TACC2: variants seen among roughly 807,000 people sequenced by gnomAD.
TACC2 encodes transforming acidic coiled-coil containing protein 2.
Under a neutral mutation model 227.3 loss-of-function variants are expected in TACC2, and 137 were observed. The ratio of observed to expected loss-of-function variants is 0.60; its 90% confidence interval spans 0.52 to 0.69. TACC2 has a LOEUF of 0.69. Among genes scored for constraint, TACC2 ranks in the 30% least tolerant of loss-of-function variants. The pLI is 0.00. For synonymous variants in TACC2, 1,523 were observed against 1,487.5 expected, an observed-to-expected ratio of 1.02 and a Z score of -0.55; for missense variants, 3,470 against 3,694.4, an observed-to-expected ratio of 0.94 and a Z score of 1.57.
intron 5 of TACC2, among the ~76,000 whole-genome samples, chr10:122,121,459 C>T (rs1019455878): frequency 1.3e-5 from 2 of 152,154 alleles, no homozygotes; most frequent in African/African-American, 4.8e-5. Context: ...CAGGCTTGGG[C>T]AGTCTGGCCC....
At chr10:122,164,045 C>T (rs934613366) in intron 7 of TACC2, 6 of 1,548,166 alleles carry the variant, frequency 3.9e-6, no homozygotes, top group Non-Finnish European at 5.2e-6. Context: ...GGAGAGGATG[C>T]CCGGGCTTTG....
At chr10:122,107,904 T>TC (rs1266978304) in intron 5 of TACC2, among the ~76,000 whole-genome samples, 4 of 143,278 alleles carry the variant, frequency 2.8e-5, no homozygotes, top group South Asian at 2.3e-4. Flanking sequence ...TTTTCTTTTT[T>TC]TTTTTTTGAG....
chr10:122,055,823 T>C (rs1433893652), intron 3 of TACC2, among the ~76,000 whole-genome samples: 6 of 152,258 alleles, frequency 3.9e-5, no homozygotes, highest in Non-Finnish European at 7.3e-5. Flanking sequence ...TCTGGACTTG[T>C]GCGTATGCGG....
intron 5 of TACC2, among the ~76,000 whole-genome samples, chr10:122,098,851 T>C (rs1214094554): frequency 6.6e-6 from 1 of 152,224 alleles, no homozygotes; most frequent in Non-Finnish European, 1.5e-5. Flanking sequence ...CTTCTCGTCC[T>C]GTAGCCTCAG....
chr10:121,999,063 C>CA (rs1953943290), intron 1 of TACC2, among the ~76,000 whole-genome samples: 1 of 149,746 alleles, frequency 6.7e-6, no homozygotes. Flanking sequence ...GGCTGGAGTG[C>CA]AGTGGCATGA....
intron 3 of TACC2, among the ~76,000 whole-genome samples, chr10:122,077,276 A>G (rs1359964459): frequency 6.6e-6 from 1 of 152,150 alleles, no homozygotes; most frequent in East Asian, 1.9e-4. Context: ...ATATATCAAC[A>G]ACATTTTATT....
intron 1 of TACC2, among the ~76,000 whole-genome samples, chr10:121,999,475 G>A (rs1046247530): frequency 2.6e-5 from 4 of 152,224 alleles, no homozygotes; most frequent in African/African-American, 9.6e-5. Context: ...GACAAGCAAC[G>A]CTTGAATCCC....
intron 7 of TACC2, among the ~76,000 whole-genome samples, chr10:122,189,955 A>G (rs958459000): frequency 2.6e-5 from 4 of 152,198 alleles, no homozygotes; most frequent in Non-Finnish European, 4.4e-5. Flanking sequence ...ATTTTCTTCC[A>G]ACTTCCAAGA....
chr10:122,249,450 GA>G, intron 21 of TACC2, 93 bp from the exon 22 acceptor site: 2 of 1,539,300 alleles, frequency 1.3e-6, no homozygotes, highest in Non-Finnish European at 1.8e-6. Flanking sequence ...GCTGGGGCCA[GA>G]CCAGGCCACT....
At chr10:122,100,950 C>T (rs1014317471) in intron 5 of TACC2, among the ~76,000 whole-genome samples, 3 of 152,134 alleles carry the variant, frequency 2.0e-5, no homozygotes, top group Admixed American at 2.0e-4. Context: ...GTTCAAGAGG[C>T]TCAGACAAAC....
intron 19 of TACC2, chr10:122,247,462 C>T (rs2096150229): frequency 6.6e-6 from 1 of 152,228 alleles, no homozygotes; most frequent in South Asian, 2.1e-4. Context: ...GTTCCTCACC[C>T]ACCTGGGCCG....
chr10:122,073,126 A>AAAAAATATAT (rs1383487943), intron 3 of TACC2, among the ~76,000 whole-genome samples: 22 of 71,000 alleles, frequency 3.1e-4, no homozygotes, highest in African/African-American at 7.4e-4. Flanking sequence ...AAAAAAAAAA[A>AAAAAATATAT]ATATATATAT....
At chr10:122,072,322 C>T (rs2078176010) in intron 3 of TACC2, among the ~76,000 whole-genome samples, 1 of 152,148 alleles carries the variant, frequency 6.6e-6, no homozygotes, top group Admixed American at 6.5e-5. Context: ...TCAAGCATCA[C>T]GTACTTGTTT....
chr10:122,206,933 G>T (rs1467089550), intron 8 of TACC2, among the ~76,000 whole-genome samples: 3 of 152,332 alleles, frequency 2.0e-5, no homozygotes, highest in Middle Eastern at 3.4e-3. Flanking sequence ...ATGAACAAAT[G>T]AATCACACAG....
chr10:122,193,139 G>A (rs566934557), intron 7 of TACC2, among the ~76,000 whole-genome samples: 4 of 152,308 alleles, frequency 2.6e-5, no homozygotes, highest in Admixed American at 1.3e-4. Flanking sequence ...AAATTTAATA[G>A]TAGACTAGGT....
At chr10:122,237,362 CTG>C (rs1564785873) in intron 16 of TACC2, 31 bp from the exon 17 acceptor site, 3 of 1,582,396 alleles carry the variant, frequency 1.9e-6, no homozygotes, top group East Asian at 4.5e-5. Context: ...TTAATGCTAA[CTG>C]TTTTTTTTTT....
Position 122,085,300 on chromosome 10 carries a change from T to G in TACC2, c.2800T>G (p.Ser934Ala), listed in dbSNP as rs117734649. Reference sequence around the variant, plus strand: ...TTCTCTGACAGAAGAGTCAGAATTGTCAGCACCAACGAGACAGAAGTTGCC... The same window carrying G: ...TTCTCTGACAGAAGAGTCAGAATTGGCAGCACCAACGAGACAGAAGTTGCC... ...ESSLTEESEL[S>A]APTRQKLPAL... is the part of the protein sequence containing the mutation. Residue 934 changes from serine (S) to alanine (A), a missense_variant, in exon 4 of 23, where the codon TCA (serine) becomes GCA (alanine). Ser to Ala is a moderately conservative substitution (Grantham distance 99, BLOSUM62 1). Transcript: ENST00000369005. 4,432 of 1,614,020 alleles carry G rather than the reference T, an allele frequency of 2.7e-3. 10 individuals are homozygous for G. Among genetic ancestry groups the G allele is most frequent in the Non-Finnish European group, 3.6e-3 (4,193 of 1,180,030 alleles).
At chr10:122,046,731 G>A (rs2075049949) in intron 2 of TACC2, among the ~76,000 whole-genome samples, 1 of 152,066 alleles carries the variant, frequency 6.6e-6, no homozygotes, top group East Asian at 1.9e-4. Context: ...AGAATTAAAA[G>A]AAATCTTGCT....
chr10:122,086,549 C>A lies in TACC2; in HGVS notation c.4049C>A (p.Ala1350Asp). The change falls in exon 4 of 23, where the codon GCT becomes GAT. Residue 1350 changes from alanine to aspartate, a missense_variant. Transcript: ENST00000369005. ...ACAGGGGAAGAGAAAGCAGCAACAG[C>A]TCCAGGTGCAGGTGCCAAGGCCAGT... ...QATGEEKAAT[A>D]PGAGAKASGE... 6.2e-7 allele frequency: 1 copy of A among 1,606,886 alleles called. No homozygotes were observed. The highest frequency in any genetic ancestry group is 8.5e-7 in the Non-Finnish European group (1 of 1,176,420).
Sources: gnomAD v4.1 joint callset for allele counts (sites outside exome capture counted in the v4.1 genomes callset) on GRCh38, gnomAD v4.1.1 for gene constraint, MANE v1.5 for transcripts, NCBI Gene and HGNC (gene_info 2026-07-23, HGNC 2026-07-21) for gene names.